The following SNTG1 variants were observed in gnomAD, a reference collection of about 807,000 sequenced individuals.
The protein encoded by SNTG1 is syntrophin gamma 1, also known as gamma-1-syntrophin.
In SNTG1, 39 loss-of-function variants were observed where a neutral mutation model predicts 74.7. That is an observed-to-expected ratio of 0.52 (90% CI 0.40 to 0.68). SNTG1 has a LOEUF of 0.68. SNTG1 is among the 30% of genes least tolerant of loss of function. The probability of loss-of-function intolerance (pLI) is 0.00; values close to 1 mark genes in which losing one functional copy is unlikely to be tolerated. For missense variants in SNTG1, 685 were observed against 609.5 expected, an observed-to-expected ratio of 1.12 and a Z score of -1.30; for synonymous variants, 254 against 217.1, an observed-to-expected ratio of 1.17 and a Z score of -1.49.
chr8:50,043,421 T>G lies in SNTG1; in HGVS notation c.-102-129140T>G, dbSNP rs554133422. Among the ~76,000 whole-genome samples the G allele has an allele frequency of 3.3e-5, 5 of 152,294 alleles. No homozygotes were observed. The East Asian group carries it at 9.7e-4, about 29-fold the overall frequency. On this transcript the variant is annotated intron_variant, in intron 1 of 18. Coordinates refer to ENST00000642720, the MANE Select transcript of SNTG1 (RefSeq NM_018967.5). ...ATACCAGCAGGAACAAGATGAAAAT[T>G]TTAAAAAGAAGTAACTGGAAACCAT...
At chr8:50,106,750 G>T (rs2080387715) in intron 1 of SNTG1, among the ~76,000 whole-genome samples, 1 of 152,080 alleles carries the variant, frequency 6.6e-6, no homozygotes, top group African/African-American at 2.4e-5. Context: ...AAACTTTTCT[G>T]ATTGACTTAC....
At chr8:50,444,751 G>GA (rs35569528) in intron 5 of SNTG1, among the ~76,000 whole-genome samples, 2,671 of 26,012 alleles carry the variant, frequency 0.1, 62 homozygotes, top group Middle Eastern at 0.14. Flanking sequence ...CTCCATCTCA[G>GA]AAAAAAAAAA....
chr8:50,731,083 G>C (rs1195168550), intron 17 of SNTG1, among the ~76,000 whole-genome samples: 1 of 152,074 alleles, frequency 6.6e-6, no homozygotes, highest in East Asian at 1.9e-4. Flanking sequence ...ATAAAATTCA[G>C]ATTACATTTT....
At chr8:50,608,384 A>T (rs2094827906) in intron 13 of SNTG1, among the ~76,000 whole-genome samples, 3 of 151,718 alleles carry the variant, frequency 2.0e-5, no homozygotes, top group African/African-American at 7.2e-5. Context: ...TTCTGTTGTT[A>T]GGTACTTATA....
chr8:50,626,699 AGC>A (rs1194612422), intron 13 of SNTG1, among the ~76,000 whole-genome samples: 1 of 152,186 alleles, frequency 6.6e-6, no homozygotes, highest in East Asian at 1.9e-4. Flanking sequence ...AATGCCTTTA[AGC>A]GGTTTTCTGC....
At chr8:49,961,656 C>G (rs1002162700) in intron 1 of SNTG1, among the ~76,000 whole-genome samples, 1 of 152,150 alleles carries the variant, frequency 6.6e-6, no homozygotes, top group Admixed American at 6.5e-5. Context: ...CATTATTGCA[C>G]GAGAATATGC....
chr8:50,082,070 T>C (rs982880923), intron 1 of SNTG1, among the ~76,000 whole-genome samples: 5 of 152,224 alleles, frequency 3.3e-5, no homozygotes, highest in Non-Finnish European at 7.3e-5. Context: ...ATTTTTGTTA[T>C]TGTCCATTTT....
chr8:50,620,646 A>G (rs1483637), intron 13 of SNTG1, among the ~76,000 whole-genome samples: 91,593 of 152,076 alleles, frequency 0.6, 30,203 homozygotes, highest in East Asian at 0.77. Context: ...TGGGCATAAT[A>G]GTTCCAGTTA....
intron 17 of SNTG1, among the ~76,000 whole-genome samples, chr8:50,722,616 C>A (rs1158144587): frequency 2.0e-5 from 3 of 151,978 alleles, no homozygotes; most frequent in East Asian, 1.9e-4. Flanking sequence ...ACGTATTTTT[C>A]TTTTATATTC....
chr8:50,585,794 G>T (rs2094644464), intron 12 of SNTG1, among the ~76,000 whole-genome samples: 1 of 151,352 alleles, frequency 6.6e-6, no homozygotes, highest in African/African-American at 2.4e-5. Flanking sequence ...TATCTTTTTG[G>T]GTTTTCTAAT....
intron 2 of SNTG1, among the ~76,000 whole-genome samples, chr8:50,335,759 T>C (rs1255835200): frequency 6.6e-6 from 1 of 152,208 alleles, no homozygotes; most frequent in Non-Finnish European, 1.5e-5. Flanking sequence ...CCTCTAGCTT[T>C]CTGACCTCTA....
At chr8:50,542,528 T>C (rs1423235436) in intron 11 of SNTG1, among the ~76,000 whole-genome samples, 1 of 152,212 alleles carries the variant, frequency 6.6e-6, no homozygotes, top group East Asian at 1.9e-4. Context: ...ATTTTGGCTA[T>C]TATGAATATT....
intron 8 of SNTG1, among the ~76,000 whole-genome samples, chr8:50,477,263 A>G (rs2093704362): frequency 1.3e-5 from 2 of 152,218 alleles, no homozygotes; most frequent in East Asian, 3.9e-4. Flanking sequence ...TAGAAATGTG[A>G]CATCACGGCC....
intron 13 of SNTG1, among the ~76,000 whole-genome samples, chr8:50,593,588 A>G (rs2094706503): frequency 2.0e-5 from 3 of 152,064 alleles, no homozygotes; most frequent in Admixed American, 6.6e-5. Flanking sequence ...AATCTTAGTT[A>G]TTGCCTCCAC....
At chr8:50,220,649 T>C (rs935598503) in intron 2 of SNTG1, among the ~76,000 whole-genome samples, 2 of 152,264 alleles carry the variant, frequency 1.3e-5, no homozygotes, top group Middle Eastern at 3.4e-3. Flanking sequence ...CGTGCTCCTT[T>C]AGGGTGTCTG....
intron 1 of SNTG1, among the ~76,000 whole-genome samples, chr8:49,915,838 G>A (rs1458585754): frequency 6.6e-6 from 1 of 152,186 alleles, no homozygotes; most frequent in Non-Finnish European, 1.5e-5. Context: ...GCCTGGAAAT[G>A]CTGTTAAGAT....
At chr8:50,156,008 A>G (rs2082243566) in intron 1 of SNTG1, among the ~76,000 whole-genome samples, 2 of 152,106 alleles carry the variant, frequency 1.3e-5, no homozygotes, top group Non-Finnish European at 2.9e-5. Context: ...AAAGAAAAAA[A>G]GGGCAAATGA....
chr8:50,535,439 G>A (rs1233647971), intron 10 of SNTG1, among the ~76,000 whole-genome samples: 1 of 152,122 alleles, frequency 6.6e-6, no homozygotes, highest in African/African-American at 2.4e-5. Context: ...ATGAGGCCAG[G>A]AGAAAGAGTA....
intron 2 of SNTG1, among the ~76,000 whole-genome samples, chr8:50,271,207 T>C (rs980777304): frequency 6.6e-6 from 1 of 152,198 alleles, no homozygotes; most frequent in African/African-American, 2.4e-5. Flanking sequence ...GCTTTTGGTA[T>C]ATCATCCCTA....
Sources: gnomAD v4.1 joint callset for allele counts (sites outside exome capture counted in the v4.1 genomes callset) on GRCh38, gnomAD v4.1.1 for gene constraint, MANE v1.5 for transcripts, NCBI Gene and HGNC (gene_info 2026-07-23, HGNC 2026-07-21) for gene names.